STK3: variants seen among roughly 807,000 people sequenced by gnomAD.
The protein encoded by STK3 is serine/threonine-protein kinase 3.
In STK3, 41 loss-of-function variants were observed where a neutral mutation model predicts 58.0. The observed-to-expected ratio is 0.71, with a 90% CI of 0.55 to 0.92. The LOEUF is 0.92. STK3 is among the 40% of genes least tolerant of loss of function. STK3 has a pLI of 0.00. For synonymous variants in STK3, 170 were observed against 191.0 expected (o/e 0.89, Z 0.91); for missense variants, 479 against 602.7 (o/e 0.79, Z 2.15).
chr8:98,858,417 T>C (rs1836794014), intron 3 of STK3, among the ~76,000 whole-genome samples: 3 of 147,814 alleles, frequency 2.0e-5, no homozygotes. Flanking sequence ...TCCACCTACC[T>C]TGGCCTCCCA....
intron 6 of STK3, among the ~76,000 whole-genome samples, chr8:98,628,659 AGTCCTAGTG>A (rs1452146742): frequency 6.6e-6 from 1 of 151,976 alleles, no homozygotes; most frequent in African/African-American, 2.4e-5. Flanking sequence ...AAAATCAGCC[AGTCCTAGTG>A]GTATGTGCCT....
intron 3 of STK3, chr8:98,429,458 C>T: frequency 7.1e-7 from 1 of 1,413,734 alleles, no homozygotes; most frequent in Non-Finnish European, 9.9e-7. Context: ...TGAGCTGCCT[C>T]TTGTGCCTCT....
rs1819828421 is a variant in STK3, at chr8:98,460,079, T to C, written c.1318-4079A>G. ...GCTTGCACCATATGCCTGGAAAAGCTGCAGACACTCAATACCAGCCTGTGA... is the reference window on the plus strand; with the variant it reads ...GCTTGCACCATATGCCTGGAAAAGCCGCAGACACTCAATACCAGCCTGTGA... On this transcript the variant is annotated intron_variant, in intron 10 of 10. Transcript: ENST00000419617. Among the ~76,000 whole-genome samples, 3 of 152,174 alleles carry C rather than the reference T, an allele frequency of 2.0e-5. No individual in the cohort carries two copies. The East Asian group carries it at 5.8e-4, about 29-fold the overall frequency.
intron 3 of STK3, among the ~76,000 whole-genome samples, chr8:98,858,234 T>G (rs1452690655): frequency 7.0e-6 from 1 of 142,078 alleles, no homozygotes; most frequent in Non-Finnish European, 1.5e-5. Context: ...ATACAAAAAT[T>G]AGCCGGATGT....
chr8:98,384,900 T>C (rs552250258), intron 1 of STK3, among the ~76,000 whole-genome samples: 2 of 152,174 alleles, frequency 1.3e-5, no homozygotes, highest in Non-Finnish European at 1.5e-5. Context: ...ACCTGGGCCA[T>C]TGCTATATGC....
At chr8:98,831,787 T>A (rs748894571) in intron 3 of STK3, among the ~76,000 whole-genome samples, 4 of 152,244 alleles carry the variant, frequency 2.6e-5, no homozygotes, top group Non-Finnish European at 5.9e-5. Flanking sequence ...AGTTTGAAAC[T>A]AGCATGTTGC....
chr8:98,488,776 A>G (rs1015247951), intron 10 of STK3, among the ~76,000 whole-genome samples: 36 of 152,234 alleles, frequency 2.4e-4, no homozygotes, highest in African/African-American at 8.0e-4. Flanking sequence ...ATTGGTAGCT[A>G]TCCCCTAATA....
At chr8:98,573,715 A>C (rs1450026750) in intron 8 of STK3, among the ~76,000 whole-genome samples, 5 of 152,200 alleles carry the variant, frequency 3.3e-5, no homozygotes, top group Non-Finnish European at 7.3e-5. Context: ...ATCTGAGACA[A>C]GGCAAGTCCT....
intron 8 of STK3, among the ~76,000 whole-genome samples, chr8:98,575,618 G>T (rs1249886381): frequency 6.6e-6 from 1 of 151,102 alleles, no homozygotes; most frequent in African/African-American, 2.4e-5. Context: ...AGTTGTAAGA[G>T]TTCTCTATAC....
intron 10 of STK3, among the ~76,000 whole-genome samples, chr8:98,472,852 T>C (rs1821027089): frequency 6.6e-6 from 1 of 151,980 alleles, no homozygotes; most frequent in Non-Finnish European, 1.5e-5. Flanking sequence ...AAAACCCACA[T>C]AACAAAATAA....
chr8:98,554,171 A>G (rs1343317448), intron 8 of STK3, among the ~76,000 whole-genome samples: 1 of 152,148 alleles, frequency 6.6e-6, no homozygotes, highest in Non-Finnish European at 1.5e-5. Context: ...CTCAAGCCCC[A>G]TTTAACTCAT....
intron 1 of STK3, among the ~76,000 whole-genome samples, chr8:98,924,361 A>G (rs1839703968): frequency 6.6e-6 from 1 of 152,246 alleles, no homozygotes; most frequent in Admixed American, 6.5e-5. Context: ...CTTTATGTAC[A>G]CAGGAAAAAG....
At chr8:98,632,910 T>G (rs1002860758) in intron 6 of STK3, among the ~76,000 whole-genome samples, 2 of 152,048 alleles carry the variant, frequency 1.3e-5, no homozygotes, top group Non-Finnish European at 1.5e-5. Flanking sequence ...TCCCAGTTAT[T>G]AAAAAATGCA....
At chr8:98,873,966 T>C (rs1344345142) in intron 3 of STK3, among the ~76,000 whole-genome samples, 5 of 152,254 alleles carry the variant, frequency 3.3e-5, no homozygotes, top group African/African-American at 1.2e-4. Context: ...GGCTTGTTTT[T>C]GCAGTGGCTA....
chr8:98,677,234 T>C (rs1587265183), intron 6 of STK3, among the ~76,000 whole-genome samples: 1 of 152,060 alleles, frequency 6.6e-6, no homozygotes, highest in East Asian at 1.9e-4. Context: ...TCTTTAATCC[T>C]CTCCTCTGGG....
At chr8:98,674,268 C>T (rs1320169878) in intron 6 of STK3, among the ~76,000 whole-genome samples, 1 of 152,002 alleles carries the variant, frequency 6.6e-6, no homozygotes, top group Non-Finnish European at 1.5e-5. Flanking sequence ...TTTAACCCCA[C>T]AAATTATAAA....
At chr8:98,543,801 G>C (rs944714811) in intron 9 of STK3, among the ~76,000 whole-genome samples, 1 of 152,130 alleles carries the variant, frequency 6.6e-6, no homozygotes, top group Non-Finnish European at 1.5e-5. Context: ...GGGCCCAAAT[G>C]GGGGAGAAGG....
At chr8:98,876,007 T>C (rs1837548612) in intron 3 of STK3, among the ~76,000 whole-genome samples, 1 of 152,142 alleles carries the variant, frequency 6.6e-6, no homozygotes, top group Non-Finnish European at 1.5e-5. Context: ...ATTCTCTCCA[T>C]TATGCTTAGT....
chr8:98,588,720 C>G (rs1814928966), intron 7 of STK3, among the ~76,000 whole-genome samples: 2 of 151,186 alleles, frequency 1.3e-5, no homozygotes, highest in African/African-American at 4.8e-5. Context: ...TTCTCCCCAT[C>G]ACTTTCAGGT....
Sources: allele counts gnomAD v4.1 joint callset (sites outside exome capture counted in the v4.1 genomes callset), GRCh38; gene constraint gnomAD v4.1.1; transcripts MANE v1.5; gene names NCBI Gene and HGNC (gene_info 2026-07-23, HGNC 2026-07-21).